Variants in XXYLT1 observed in about 807,000 individuals in gnomAD.
XXYLT1 encodes the protein xyloside xylosyltransferase 1, also known as UDP-xylose:alpha-xyloside alpha-1,3-xylosyltransferase.
In XXYLT1, 20 loss-of-function variants were observed where a neutral mutation model predicts 28.9. The ratio of observed to expected loss-of-function variants is 0.69; its 90% CI spans 0.49 to 1.00. The LOEUF is 1.00. Among genes scored for constraint, XXYLT1 ranks in the 50% least tolerant of loss-of-function variants. XXYLT1 has a pLI of 0.00. For missense variants in XXYLT1, 542 were observed against 560.1 expected (o/e 0.97, Z 0.33); for synonymous variants, 257 against 253.8 (o/e 1.01, Z -0.12).
intron 3 of XXYLT1, among the ~76,000 whole-genome samples, chr3:195,101,983 TG>T (rs1560095045): frequency 1.0e-3 from 1 of 956 alleles, no homozygotes. Context: ...GAGGGAGGGA[TG>T]CGGGGAGGGA....
At chr3:195,223,868 G>C (rs1723932225) in intron 2 of XXYLT1, among the ~76,000 whole-genome samples, 1 of 152,150 alleles carries the variant, frequency 6.6e-6, no homozygotes, top group South Asian at 2.1e-4. Context: ...ATGTAAAAAT[G>C]AATTGCTGCC....
At chr3:195,197,924 C>A (rs1426026229) in intron 2 of XXYLT1, among the ~76,000 whole-genome samples, 2 of 152,254 alleles carry the variant, frequency 1.3e-5, no homozygotes, top group Non-Finnish European at 2.9e-5. Context: ...GCTCTACTGG[C>A]CTCACCCACC....
intron 3 of XXYLT1, among the ~76,000 whole-genome samples, chr3:195,123,445 C>T (rs559902320): frequency 4.6e-5 from 7 of 152,260 alleles, no homozygotes; most frequent in African/African-American, 1.4e-4. Flanking sequence ...TGGGAGAACA[C>T]GGAGGTGCTA....
chr3:195,073,590 C>G (rs531364837), intron 3 of XXYLT1, among the ~76,000 whole-genome samples: 51 of 152,188 alleles, frequency 3.4e-4, no homozygotes, highest in East Asian at 2.5e-3. Context: ...CCTGGAGACC[C>G]ACGGTAGAGG....
At chr3:195,165,089 T>G (rs886833186) in intron 2 of XXYLT1, among the ~76,000 whole-genome samples, 2 of 152,136 alleles carry the variant, frequency 1.3e-5, no homozygotes, top group Non-Finnish European at 2.9e-5. Flanking sequence ...TCTAGCACCT[T>G]GGCTACCTCT....
intron 3 of XXYLT1, among the ~76,000 whole-genome samples, chr3:195,141,671 A>C (rs1719498475): frequency 6.6e-6 from 1 of 152,176 alleles, no homozygotes; most frequent in African/African-American, 2.4e-5. Flanking sequence ...CCTTTGAGCA[A>C]ATCTCAGAAC....
intron 1 of XXYLT1, among the ~76,000 whole-genome samples, chr3:195,236,013 A>G (rs1418279244): frequency 6.6e-6 from 1 of 152,166 alleles, no homozygotes; most frequent in Non-Finnish European, 1.5e-5. Context: ...CCCTGTCACT[A>G]TCACCACTGG....
At chr3:195,185,709 G>C (rs1359711087) in intron 2 of XXYLT1, among the ~76,000 whole-genome samples, 1 of 151,984 alleles carries the variant, frequency 6.6e-6, no homozygotes, top group Non-Finnish European at 1.5e-5. Context: ...GGGCGCTGAG[G>C]GACACAATGG....
chr3:195,211,191 C>G (rs1407144819), intron 2 of XXYLT1, among the ~76,000 whole-genome samples: 1 of 152,040 alleles, frequency 6.6e-6, no homozygotes, highest in African/African-American at 2.4e-5. Context: ...GTGAGGAGTT[C>G]GAGACCAGCC....
At chr3:195,207,830 C>T (rs1723138887) in intron 2 of XXYLT1, among the ~76,000 whole-genome samples, 2 of 152,234 alleles carry the variant, frequency 1.3e-5, no homozygotes, top group African/African-American at 4.8e-5. Context: ...TCCCCTCTCA[C>T]TCGTGTGGCT....
At chr3:195,197,929 C>A (rs1577135110) in intron 2 of XXYLT1, among the ~76,000 whole-genome samples, 2 of 152,234 alleles carry the variant, frequency 1.3e-5, no homozygotes, top group South Asian at 4.1e-4. Flanking sequence ...ACTGGCCTCA[C>A]CCACCAGTTA....
intron 1 of XXYLT1, among the ~76,000 whole-genome samples, chr3:195,268,452 T>A (rs11715185): frequency 0.31 from 44,919 of 146,974 alleles, 7,800 homozygotes; most frequent in East Asian, 0.83. Context: ...AAACAAAAAA[T>A]TTAGCCAGCG....
chr3:195,165,204 TC>T (rs1721057647), intron 2 of XXYLT1, among the ~76,000 whole-genome samples: 1 of 152,050 alleles, frequency 6.6e-6, no homozygotes. Context: ...TCAGTTCCTC[TC>T]CCCCAGCAGA....
chr3:195,185,646 T>C (rs1192752016), intron 2 of XXYLT1, among the ~76,000 whole-genome samples: 1 of 152,068 alleles, frequency 6.6e-6, no homozygotes, highest in Non-Finnish European at 1.5e-5. Context: ...GAGGTCATGT[T>C]AGTCACAGGT....
intron 3 of XXYLT1, among the ~76,000 whole-genome samples, chr3:195,145,032 C>T (rs549606883): frequency 6.9e-6 from 1 of 144,464 alleles, no homozygotes; most frequent in Admixed American, 6.8e-5. Context: ...CAATGAGCTG[C>T]AATTATACAT....
chr3:195,234,954 T>C (rs1452078654), intron 1 of XXYLT1, among the ~76,000 whole-genome samples: 1 of 151,996 alleles, frequency 6.6e-6, no homozygotes, highest in Non-Finnish European at 1.5e-5. Context: ...TTTCTACTGC[T>C]GTCTCTCTCT....
intron 3 of XXYLT1, among the ~76,000 whole-genome samples, chr3:195,074,829 G>T (rs79714140): frequency 6.6e-6 from 1 of 152,260 alleles, no homozygotes; most frequent in South Asian, 2.1e-4. Flanking sequence ...GGACCACCAC[G>T]GAGCTCTAAG....
chr3:195,150,563 G>A lies in XXYLT1; in HGVS notation c.785+5886C>T, dbSNP rs188407061. Among the ~76,000 whole-genome samples, 111 of 152,256 alleles carry A rather than the reference G, an allele frequency of 7.3e-4. No homozygotes were observed. The highest frequency in any genetic ancestry group is 2.3e-3 in the African/African-American group (96 of 41,542). On this transcript the variant is annotated intron_variant, in intron 3 of 3. Transcript: ENST00000310380. The surrounding 1 kb of genome is among the most constrained non-coding windows in gnomAD (Gnocchi z 4.7). Reference sequence around the variant, plus strand: ...ATACTTAACACAAAAGCGAATTCCCGCCTGGTGGCATGTTATCAGCAGCTG... The same window carrying A: ...ATACTTAACACAAAAGCGAATTCCCACCTGGTGGCATGTTATCAGCAGCTG...
At chr3:195,121,966 G>C (rs1158366537) in intron 3 of XXYLT1, 1 of 693,334 alleles carries the variant, frequency 1.4e-6, no homozygotes, top group Non-Finnish European at 2.6e-6. Context: ...CTTAGTTCAA[G>C]CTATTATAAC....
Sources: gnomAD v4.1 joint callset for allele counts (sites outside exome capture counted in the v4.1 genomes callset) on GRCh38, gnomAD v4.1.1 for gene constraint, Gnocchi (gnomAD v3.1) non-coding constraint, MANE v1.5 for transcripts, NCBI Gene and HGNC (gene_info 2026-07-23, HGNC 2026-07-21) for gene names.